The following VSX2 variants were observed in gnomAD, a reference collection of about 807,000 sequenced individuals.
VSX2 encodes the protein ceh-10 homeo domain containing homolog.
A neutral mutation model predicts 32.1 loss-of-function variants in VSX2; 28 were observed. The ratio of observed to expected loss-of-function variants is 0.87; its 90% confidence interval spans 0.65 to 1.20. VSX2 has a LOEUF of 1.20. Among genes scored for constraint, VSX2 ranks in the 50% most tolerant of loss-of-function variants. The pLI is 0.00. For missense variants in VSX2, 506 were observed against 488.7 expected (o/e 1.04, Z -0.33); for synonymous variants, 243 against 214.1 (o/e 1.14, Z -1.18).
At chr14:74,250,052 G>A (rs1317700934) in intron 3 of VSX2, among the ~76,000 whole-genome samples, 1 of 152,062 alleles carries the variant, frequency 6.6e-6, no homozygotes, top group Non-Finnish European at 1.5e-5. Context: ...ACCAGCCTGG[G>A]AAACATGGCA....
chr14:74,260,626 G>C lies in VSX2; in HGVS notation c.793G>C (p.Glu265Gln), dbSNP rs775016647. The C allele has an allele frequency of 6.2e-7, 1 of 1,606,938 alleles. No individual in the cohort carries two copies. The highest frequency in any genetic ancestry group is 1.7e-5 in the Admixed American group (1 of 59,052). The change falls in exon 5 of 5, where the codon GAG becomes CAG. Residue 265 changes from glutamate to glutamine, a missense_variant. Physicochemically the swap from Glu to Gln is conservative, Grantham distance 29. Transcript: ENST00000261980. ...CAAAAAGTCGCTGGAGGCAGCAGCCGAGTCGGGGAGGAAGCCCGAGGGGGA... is the reference window on the plus strand; with the variant it reads ...CAAAAAGTCGCTGGAGGCAGCAGCCCAGTCGGGGAGGAAGCCCGAGGGGGA... ...MHKKSLEAAAESGRKPEGERQ... is the reference protein window; with the variant it reads ...MHKKSLEAAAQSGRKPEGERQ...
chr14:74,245,114 C>T (rs1459269484), intron 2 of VSX2, 51 bp from the exon 3 acceptor site: 2 of 1,611,448 alleles, frequency 1.2e-6, no homozygotes, highest in Admixed American at 1.7e-5. Context: ...TTGTCTGAGA[C>T]AGGCTCTTTT....
chr14:74,243,388 G>C (rs2079163812), intron 2 of VSX2, among the ~76,000 whole-genome samples: 1 of 152,136 alleles, frequency 6.6e-6, no homozygotes, highest in Admixed American at 6.5e-5. Context: ...TCACATTATG[G>C]GGGAAGTGTG....
chr14:74,255,321 C>A (rs1361211695), intron 3 of VSX2, among the ~76,000 whole-genome samples: 1 of 152,190 alleles, frequency 6.6e-6, no homozygotes, highest in Non-Finnish European at 1.5e-5. Flanking sequence ...CACTTCCCTC[C>A]AAGGCACCAT....
At chr14:74,254,784 A>ATTTTTTTTTTCTTTTTTTTTTTT (rs2079252273) in intron 3 of VSX2, among the ~76,000 whole-genome samples, 1 of 116,612 alleles carries the variant, frequency 8.6e-6, no homozygotes. Context: ...CGAAAAGTGG[A>ATTTTTTTTTTCTTTTTTTTTTTT]TTTTTTTTTT....
At chr14:74,252,544 C>T (rs1036276282) in intron 3 of VSX2, among the ~76,000 whole-genome samples, 3 of 151,718 alleles carry the variant, frequency 2.0e-5, no homozygotes, top group Admixed American at 6.6e-5. Flanking sequence ...GCTTGCACCA[C>T]GACGCTCACC....
At chr14:74,240,252 G>A (rs550904894) in intron 1 of VSX2, among the ~76,000 whole-genome samples, 1 of 152,180 alleles carries the variant, frequency 6.6e-6, no homozygotes, top group African/African-American at 2.4e-5. Context: ...GTGCAGAGTC[G>A]CCGGCCGTGT....
intron 3 of VSX2, among the ~76,000 whole-genome samples, chr14:74,257,718 C>CCA (rs1555388434): frequency 3.3e-5 from 5 of 150,710 alleles, no homozygotes; most frequent in African/African-American, 1.2e-4. Flanking sequence ...CACCCCCCAC[C>CCA]CACTTCCCCC....
chr14:74,255,619 C>T (rs1041230240), intron 3 of VSX2, among the ~76,000 whole-genome samples: 2 of 152,142 alleles, frequency 1.3e-5, no homozygotes, highest in Non-Finnish European at 2.9e-5. Context: ...ATCAGAATCC[C>T]GAGTCTGCAC....
chr14:74,253,856 G>A lies in VSX2; in HGVS notation c.580-5746G>A, dbSNP rs981196061. On this transcript the variant is annotated intron_variant, in intron 3 of 4. Coordinates refer to ENST00000261980, the MANE Select transcript of VSX2 (RefSeq NM_182894.3). ...GAGGCAGGAGAATCGCTCGAATCTG[G>A]GAGGTAGAGGTTGCGGTGAGCTGAG... Among the ~76,000 whole-genome samples, 20 of 152,192 alleles carry A rather than the reference G, an allele frequency of 1.3e-4. No homozygotes were observed. In the East Asian group the frequency reaches 3.9e-3, roughly 29 times the overall value.
chr14:74,248,880 G>A (rs2079212137), intron 3 of VSX2, among the ~76,000 whole-genome samples: 2 of 152,146 alleles, frequency 1.3e-5, no homozygotes, highest in East Asian at 3.9e-4. Flanking sequence ...TCCCTTCCAG[G>A]GAGGTGCCTC....
intron 4 of VSX2, 40 bp from the exon 5 acceptor site, chr14:74,260,554 A>G: frequency 6.4e-7 from 1 of 1,557,814 alleles, no homozygotes; most frequent in Non-Finnish European, 8.7e-7. Flanking sequence ...TGGCTTTCCC[A>G]GGCGCTTTTC....
chr14:74,242,818 A>T (rs2079159609), intron 2 of VSX2, among the ~76,000 whole-genome samples: 1 of 152,114 alleles, frequency 6.6e-6, no homozygotes, highest in Non-Finnish European at 1.5e-5. Flanking sequence ...GGGTTCCCAC[A>T]GCATGGAGAG....
intron 2 of VSX2, among the ~76,000 whole-genome samples, chr14:74,242,506 T>C (rs1200803736): frequency 6.6e-6 from 1 of 152,224 alleles, no homozygotes; most frequent in African/African-American, 2.4e-5. Context: ...TTCGACTTGG[T>C]TTCTCCGGAT....
intron 2 of VSX2, among the ~76,000 whole-genome samples, chr14:74,242,617 C>T (rs1168350631): frequency 7.0e-6 from 1 of 143,504 alleles, no homozygotes; most frequent in South Asian, 2.2e-4. Context: ...GATCTTTGGT[C>T]TTTTTTTTTT....
intron 2 of VSX2, among the ~76,000 whole-genome samples, chr14:74,244,515 CACTG>C (rs374616622): frequency 6.6e-6 from 1 of 152,086 alleles, no homozygotes; most frequent in African/African-American, 2.4e-5. Context: ...GCTGTATAAA[CACTG>C]AGGTTGAGGC....
In VSX2 at chr14:74,245,523, G is replaced by A. The variant is rs545183021; in HGVS notation, c.579+235G>A. On this transcript the variant is annotated intron_variant, in intron 3 of 4. Transcript: ENST00000261980. Reference sequence around the variant, plus strand: ...TGTTGTTCCAGACTATAGGCTTCCCGGGGAGTATGTCAGACAGACCCTGCG... The same window carrying A: ...TGTTGTTCCAGACTATAGGCTTCCCAGGGAGTATGTCAGACAGACCCTGCG... 4.6e-5 allele frequency among the ~76,000 whole-genome samples: 7 copies of A among 152,194 alleles called. No homozygotes were observed. In the East Asian group the frequency reaches 7.7e-4, roughly 17 times the overall value.
intron 3 of VSX2, among the ~76,000 whole-genome samples, chr14:74,255,331 T>C (rs995880537): frequency 6.6e-6 from 1 of 152,232 alleles, no homozygotes; most frequent in Non-Finnish European, 1.5e-5. Flanking sequence ...CAAGGCACCA[T>C]TGCCATAGCA....
At position 74,244,945 on chromosome 14, in the gene VSX2, A is replaced by AGTGT. The variant is rs59905689; in HGVS notation, c.456-186_456-183dup. On this transcript the variant is annotated intron_variant, in intron 2 of 4. Coordinates refer to ENST00000261980, the MANE Select transcript of VSX2 (RefSeq NM_182894.3). ...GTGTGTGTGTGAAAGAGAGAGAGAAAGTGTGTGTGTGTGTGTGTGTGTGTG... is the reference window on the plus strand; with the variant it reads ...GTGTGTGTGTGAAAGAGAGAGAGAAAGTGTGTGTGTGTGTGTGTGTGTGTGTGTG... 8.0e-3 allele frequency among the ~76,000 whole-genome samples: 478 copies of AGTGT among 60,102 alleles called. 28 individuals are homozygous for AGTGT. Among genetic ancestry groups the AGTGT allele is most frequent in the East Asian group, 0.033 (43 of 1,302 alleles). 39.4% of individuals were successfully genotyped at this position (60,102 alleles called of 152,430 possible). A position where few individuals can be genotyped will look rare whatever the true frequency, so the allele number is the denominator to read the frequency against.
Sources: allele counts gnomAD v4.1 joint callset (sites outside exome capture counted in the v4.1 genomes callset), GRCh38; gene constraint gnomAD v4.1.1; transcripts MANE v1.5; gene names NCBI Gene and HGNC (gene_info 2026-07-23, HGNC 2026-07-21).